IL27: variants seen among roughly 807,000 people sequenced by gnomAD.
IL27 encodes interleukin 27, also known as interleukin-27 subunit alpha.
IL27 carries 11 observed loss-of-function variants against 27.0 expected under a neutral mutation model. The ratio of observed to expected loss-of-function variants is 0.41; its 90% CI spans 0.26 to 0.67. The LOEUF (loss-of-function observed/expected upper bound fraction) is 0.67. Ranked by LOEUF, IL27 falls within the 30% of genes least tolerant of loss-of-function variation. IL27 has a pLI of 0.34. For missense variants in IL27, 299 were observed against 310.4 expected (o/e 0.96, Z 0.28); for synonymous variants, 134 against 140.6 (o/e 0.95, Z 0.33).
At chr16:28,504,359 T>A (rs987654117) in intron 1 of IL27, among the ~76,000 whole-genome samples, 1 of 152,100 alleles carries the variant, frequency 6.6e-6, no homozygotes, top group Non-Finnish European at 1.5e-5. Flanking sequence ...ATGCCTGTAA[T>A]CCCAGCTACT....
Position 28,502,103 on chromosome 16 carries a change from G to C in IL27, c.335C>G (p.Thr112Arg), listed in dbSNP as rs147722011. ...DPERLCFIST[T>R]LQPFHALLGG... Reference sequence around the variant, plus strand: ...CAGCAGGGCATGGAAGGGCTGAAGCGTGGTGGAGATGAAGCAGAGACGCTC... The same window carrying C: ...CAGCAGGGCATGGAAGGGCTGAAGCCTGGTGGAGATGAAGCAGAGACGCTC... The change falls in exon 4 of 5, where the codon ACG becomes AGG. Residue 112 changes from threonine (T) to arginine (R), a missense_variant. Physicochemically the swap from Thr to Arg is moderately conservative, Grantham distance 71. Transcript: ENST00000356897. 1.9e-6 allele frequency: 3 copies of C among 1,612,684 alleles called. No individual in the cohort carries two copies. In the African/African-American group the frequency reaches 4.0e-5, roughly 22 times the overall value.
intron 2 of IL27, 37 bp downstream of exon 2, chr16:28,503,841 G>C: frequency 6.2e-7 from 1 of 1,612,714 alleles, no homozygotes; most frequent in Non-Finnish European, 8.5e-7. Flanking sequence ...TTGGGGGTCT[G>C]CCCATCTCCA....
At chr16:28,501,517 C>T (rs893667908) in intron 4 of IL27, among the ~76,000 whole-genome samples, 2 of 150,552 alleles carry the variant, frequency 1.3e-5, no homozygotes, top group South Asian at 2.1e-4. Context: ...CACTCACACA[C>T]GGACGCACAT....
chr16:28,499,625 G>T lies in IL27; in HGVS notation c.*26C>A, dbSNP rs760200262. 6.4e-7 allele frequency: 1 copy of T among 1,573,856 alleles called. No homozygotes were observed. The highest frequency in any genetic ancestry group is 8.7e-7 in the Non-Finnish European group (1 of 1,154,022). On this transcript the variant is annotated 3_prime_UTR_variant, in exon 5 of 5. Coordinates refer to ENST00000356897, the MANE Select transcript of IL27 (RefSeq NM_145659.3). ...CCAGTCCTAAAGTTCTAAAGGGTGGGGGGCAGGGGGCTAAGAAGCCACCGA... is the reference window on the plus strand; with the variant it reads ...CCAGTCCTAAAGTTCTAAAGGGTGGTGGGCAGGGGGCTAAGAAGCCACCGA...
At position 28,501,825 on chromosome 16, in the gene IL27, ACT is replaced by A. The variant is rs535661568; in HGVS notation, c.462+149_462+150del. ...CCCACACTTACGGACCCACACAGTC[ACT>A]CTCACACTCATGAACCCACACACTC... On this transcript the variant is annotated intron_variant, in intron 4 of 4. Transcript: ENST00000356897. 180 of 902,230 alleles carry A rather than the reference ACT, an allele frequency of 2.0e-4. 2 individuals carry two copies. In the South Asian group the frequency reaches 2.8e-3, roughly 14 times the overall value. 55.9% of individuals were successfully genotyped at this position (902,230 alleles called of 1,614,324 possible).
intron 3 of IL27, among the ~76,000 whole-genome samples, chr16:28,503,113 C>A (rs911382716): frequency 1.3e-5 from 2 of 152,096 alleles, no homozygotes. Context: ...TGAGCCACTG[C>A]GCTCAGCTAA....
intron 1 of IL27, among the ~76,000 whole-genome samples, chr16:28,505,947 C>T (rs1567271689): frequency 6.6e-6 from 1 of 152,108 alleles, no homozygotes; most frequent in Admixed American, 6.6e-5. Flanking sequence ...ATGTGGTGGG[C>T]GATGCCTAAC....
At chr16:28,501,295 ACACT>A (rs1326748206) in intron 4 of IL27, among the ~76,000 whole-genome samples, 1 of 150,082 alleles carries the variant, frequency 6.7e-6, no homozygotes, top group African/African-American at 2.5e-5. Flanking sequence ...CCTCACTTTC[ACACT>A]CACAACACTC....
chr16:28,501,424 C>T (rs983017036), intron 4 of IL27, among the ~76,000 whole-genome samples: 3 of 149,996 alleles, frequency 2.0e-5, no homozygotes, highest in Non-Finnish European at 3.0e-5. Context: ...TCATACAGAC[C>T]CACACACACT....
Position 28,503,932 on chromosome 16 carries a change from G to A in IL27, c.150C>T (p.Ser50=). 6.2e-7 allele frequency: 1 copy of A among 1,614,218 alleles called. No individual in the cohort carries two copies. The highest frequency in any genetic ancestry group is 8.5e-7 in the Non-Finnish European group (1 of 1,180,036). The change falls in exon 2 of 5, where the codon AGC becomes AGT. Residue 50 remains serine, a synonymous_variant. Coordinates refer to ENST00000356897, the MANE Select transcript of IL27 (RefSeq NM_145659.3). ...LQELRREFTV[S]LHLARKLLSE... ...AGAGCAGCTTCCTGGCGAGATGCAG[G>A]CTGACTGTGAACTCCCTCCGCAGCT...
Position 28,503,948 on chromosome 16 carries a change from C to T in IL27, c.134G>A (p.Arg45Lys), listed in dbSNP as rs1226561650. The change falls in exon 2 of 5, where the codon AGG becomes AAG. Residue 45 changes from arginine to lysine, a missense_variant. Arg to Lys is a conservative substitution (Grantham distance 26). Coordinates refer to ENST00000356897, the MANE Select transcript of IL27 (RefSeq NM_145659.3). ...RPQLSLQELR[R>K]EFTVSLHLAR... ...GAGATGCAGGCTGACTGTGAACTCC[C>T]TCCGCAGCTCCTGCAGGCTCAGCTG... The T allele has an allele frequency of 1.9e-6, 3 of 1,614,206 alleles. No individual in the cohort carries two copies. Among genetic ancestry groups the T allele is most frequent in the Non-Finnish European group, 2.5e-6 (3 of 1,180,024 alleles).
At position 28,501,994 on chromosome 16, in the gene IL27, C is replaced by A. The variant is rs371611617; in HGVS notation, c.444G>T (p.Gln148His). 2 of 1,607,576 alleles carry A rather than the reference C, an allele frequency of 1.2e-6. No homozygotes were observed. Among genetic ancestry groups the A allele is most frequent in the Non-Finnish European group, 1.7e-6 (2 of 1,178,446 alleles). Residue 148 changes from glutamine to histidine, a missense_variant, in exon 4 of 5, where the codon CAG becomes CAT. Transcript: ENST00000356897. ...GCTCTACCTGGAAGCGGAGGTGCCG[C>A]TGCAGATCGCGGAGGTCCAGCCTCA... is the stretch of plus-strand genomic sequence containing the variant. ...WAMRLDLRDLQRHLRFQVLAA... is the reference protein window; with the variant it reads ...WAMRLDLRDLHRHLRFQVLAA...
At chr16:28,505,432 GT>G (rs1402044829) in intron 1 of IL27, among the ~76,000 whole-genome samples, 2 of 152,034 alleles carry the variant, frequency 1.3e-5, no homozygotes, top group African/African-American at 2.4e-5. Context: ...CACCTCCCAG[GT>G]TAAAGCAATT....
intron 3 of IL27, 134 bp from the exon 4 acceptor site, chr16:28,502,268 C>T: frequency 1.3e-6 from 1 of 781,568 alleles, no homozygotes; most frequent in Non-Finnish European, 2.0e-6. Context: ...TCTTCCCCCA[C>T]CTCAGCCCAG....
In IL27 at chr16:28,499,661, G is replaced by A; in HGVS notation, c.722C>T (p.Pro241Leu). ...CTAAGAAGCCACCGATCAGGGCTGG[G>A]GGCTCAATGTTGGGAACCCCAAGGG... ...VWPLGFPTLS[P>L]QP Residue 241 changes from proline (P) to leucine (L), a missense_variant, in exon 5 of 5, where the codon CCC becomes CTC. Transcript: ENST00000356897. The A allele has an allele frequency of 6.2e-7, 1 of 1,611,178 alleles. No individual in the cohort carries two copies. Among genetic ancestry groups the A allele is most frequent in the South Asian group, 1.1e-5 (1 of 90,384 alleles).
chr16:28,502,004 C>T lies in IL27; in HGVS notation c.434G>A (p.Arg145His), dbSNP rs149151528. 1.2e-6 allele frequency: 2 copies of T among 1,609,990 alleles called. No homozygotes were observed. The highest frequency in any genetic ancestry group is 1.1e-5 in the South Asian group (1 of 91,010). ...GAAGCGGAGGTGCCGCTGCAGATCG[C>T]GGAGGTCCAGCCTCATGGCCCACAG... ...MQLWAMRLDL[R>H]DLQRHLRFQV... The change falls in exon 4 of 5, where the codon CGC becomes CAC. Residue 145 changes from arginine to histidine, a missense_variant. Physicochemically the swap from Arg to His is conservative, Grantham distance 29. Coordinates refer to ENST00000356897, the MANE Select transcript of IL27 (RefSeq NM_145659.3).
At chr16:28,502,854 G>T (rs889983782) in intron 3 of IL27, among the ~76,000 whole-genome samples, 1 of 152,052 alleles carries the variant, frequency 6.6e-6, no homozygotes, top group African/African-American at 2.4e-5. Flanking sequence ...ATGGAGTCTC[G>T]CTCTGTTGCC....
intron 3 of IL27, among the ~76,000 whole-genome samples, chr16:28,502,558 A>G (rs951939952): frequency 2.0e-5 from 3 of 150,466 alleles, no homozygotes; most frequent in African/African-American, 4.9e-5. Flanking sequence ...TTTCCATCCC[A>G]TCTCCAACCT....
chr16:28,503,836 G>T (rs747963381), intron 2 of IL27, 42 bp downstream of exon 2: 39 of 1,612,022 alleles, frequency 2.4e-5, no homozygotes, highest in Admixed American at 3.3e-5. Flanking sequence ...AGGGATTGGG[G>T]GTCTGCCCAT....
Sources: gnomAD v4.1 joint callset for allele counts (sites outside exome capture counted in the v4.1 genomes callset) on GRCh38, gnomAD v4.1.1 for gene constraint, MANE v1.5 for transcripts, NCBI Gene and HGNC (gene_info 2026-07-23, HGNC 2026-07-21) for gene names.